The following FER1L6 variants were observed in gnomAD, a reference collection of about 807,000 sequenced individuals.
FER1L6 encodes fer-1-like protein 6.
Under a neutral mutation model 219.2 loss-of-function variants are expected in FER1L6, and 177 were observed. The ratio of observed to expected loss-of-function variants is 0.81; its 90% CI spans 0.71 to 0.91. The LOEUF (loss-of-function observed/expected upper bound fraction) is 0.91. FER1L6 is among the 40% of genes least tolerant of loss of function. The pLI is 0.00. For synonymous variants in FER1L6, 768 were observed against 824.3 expected (o/e 0.93, Z 1.17); for missense variants, 2,153 against 2,259.9 (o/e 0.95, Z 0.96).
intron 21 of FER1L6, among the ~76,000 whole-genome samples, chr8:124,047,208 C>T (rs919450679): frequency 5.9e-5 from 9 of 152,278 alleles, no homozygotes; most frequent in African/African-American, 1.9e-4. Context: ...GGGCAGGGTA[C>T]CATTGTGGTT....
At chr8:124,068,834 A>G (rs970483531) in intron 28 of FER1L6, among the ~76,000 whole-genome samples, 1 of 152,106 alleles carries the variant, frequency 6.6e-6, no homozygotes, top group African/African-American at 2.4e-5. Context: ...TTATATGTGC[A>G]TGGGGTGCCC....
chr8:124,020,070 T>G (rs1255781122), intron 16 of FER1L6, among the ~76,000 whole-genome samples: 1 of 152,158 alleles, frequency 6.6e-6, no homozygotes, highest in Non-Finnish European at 1.5e-5. Flanking sequence ...TGGGGGCAGG[T>G]CTTCCCATGC....
intron 12 of FER1L6, among the ~76,000 whole-genome samples, chr8:123,987,542 C>T (rs1167592288): frequency 6.6e-6 from 1 of 152,036 alleles, no homozygotes; most frequent in Non-Finnish European, 1.5e-5. Context: ...TCCCATTTGT[C>T]CATTTTTGTT....
chr8:124,095,551 A>T (rs1822246954), intron 35 of FER1L6, among the ~76,000 whole-genome samples: 2 of 152,306 alleles, frequency 1.3e-5, no homozygotes, highest in South Asian at 4.2e-4. Context: ...TGTGTGGAAA[A>T]AATACCTAGA....
intron 1 of FER1L6, among the ~76,000 whole-genome samples, chr8:123,884,346 G>A (rs1817162052): frequency 6.6e-6 from 1 of 152,146 alleles, no homozygotes; most frequent in Non-Finnish European, 1.5e-5. Context: ...CTTGCTCCCA[G>A]CCACGAAGCT....
intron 33 of FER1L6, among the ~76,000 whole-genome samples, chr8:124,085,197 C>T (rs919883342): frequency 3.3e-5 from 5 of 151,898 alleles, no homozygotes; most frequent in Admixed American, 3.3e-4. Context: ...TAAAGAGTTG[C>T]CAATTTTGTT....
At chr8:123,942,594 CT>C (rs1313852596) in intron 1 of FER1L6, among the ~76,000 whole-genome samples, 1 of 152,190 alleles carries the variant, frequency 6.6e-6, no homozygotes, top group African/African-American at 2.4e-5. Flanking sequence ...CTGGTGGCTC[CT>C]TTGTTCCTTG....
intron 17 of FER1L6, among the ~76,000 whole-genome samples, chr8:124,022,867 T>G (rs1476630295): frequency 6.6e-6 from 1 of 152,030 alleles, no homozygotes; most frequent in Non-Finnish European, 1.5e-5. Context: ...CCAGCTTGCA[T>G]GTTCTCATAT....
intron 1 of FER1L6, among the ~76,000 whole-genome samples, chr8:123,946,538 G>A (rs540188094): frequency 6.6e-6 from 1 of 152,354 alleles, no homozygotes; most frequent in African/African-American, 2.4e-5. Context: ...ACAGGTGTGA[G>A]CCACGGTGCC....
At chr8:124,105,173 G>C (rs1022431534) in intron 39 of FER1L6, among the ~76,000 whole-genome samples, 3 of 152,212 alleles carry the variant, frequency 2.0e-5, no homozygotes, top group Admixed American at 1.3e-4. Context: ...GAAATGTAGT[G>C]AGCCACAGGA....
intron 18 of FER1L6, among the ~76,000 whole-genome samples, chr8:124,024,117 C>A (rs899053552): frequency 1.3e-5 from 2 of 151,914 alleles, no homozygotes; most frequent in African/African-American, 4.8e-5. Flanking sequence ...AGGCTGGTCT[C>A]CAACTCCTGA....
chr8:123,903,968 C>T (rs1294421772), intron 1 of FER1L6, among the ~76,000 whole-genome samples: 1 of 152,116 alleles, frequency 6.6e-6, no homozygotes, highest in African/African-American at 2.4e-5. Context: ...CAATCAAATC[C>T]TCCCCACACT....
intron 32 of FER1L6, among the ~76,000 whole-genome samples, 163 bp from the exon 33 acceptor site, chr8:124,082,125 G>T (rs770046956): frequency 6.6e-6 from 1 of 152,116 alleles, no homozygotes; most frequent in Non-Finnish European, 1.5e-5. Flanking sequence ...TGTTTGTACT[G>T]CAATGAAAAA....
chr8:124,064,237 G>T, intron 25 of FER1L6, 110 bp from the exon 26 acceptor site: 2 of 855,006 alleles, frequency 2.3e-6, no homozygotes, highest in South Asian at 1.5e-5. Context: ...AGAAATATTA[G>T]CAACCTGACG....
chr8:123,937,355 A>G (rs1814047646), intron 1 of FER1L6, among the ~76,000 whole-genome samples: 1 of 152,246 alleles, frequency 6.6e-6, no homozygotes, highest in Admixed American at 6.5e-5. Flanking sequence ...CTAGCTAGAT[A>G]TTATCATAAA....
In FER1L6 at chr8:124,069,386, G is replaced by C; in HGVS notation, c.3745G>C (p.Asp1249His). 1 of 1,612,738 alleles carries C rather than the reference G, an allele frequency of 6.2e-7. No homozygotes were observed. The highest frequency in any genetic ancestry group is 8.5e-7 in the Non-Finnish European group (1 of 1,179,548). ...TEAKPDEVVV[D>H]IEDGPKKKKD... ...GGCAAAGCCAGATGAGGTAGTGGTA[G>C]ATATAGAAGATGGGCCAAAGAAGAA... The change falls in exon 29 of 41, where the codon GAT (aspartate) becomes CAT (histidine). Residue 1249 changes from aspartate to histidine, a missense_variant. Coordinates refer to ENST00000522917, the MANE Select transcript of FER1L6 (RefSeq NM_001039112.2).
intron 17 of FER1L6, among the ~76,000 whole-genome samples, 190 bp downstream of exon 17, chr8:124,021,859 T>TC (rs1818469524): frequency 6.6e-6 from 1 of 151,844 alleles, no homozygotes. Context: ...TTATTCATTT[T>TC]TTTTTCACAA....
intron 4 of FER1L6, 31 bp from the exon 5 acceptor site, chr8:123,966,128 G>A (rs748338938): frequency 2.2e-5 from 35 of 1,613,670 alleles, no homozygotes; most frequent in African/African-American, 5.3e-5. Context: ...GGCGGTGTCC[G>A]GAATGGTGTC....
chr8:124,073,899 AATGGGAAGG>A (rs1207565082), intron 31 of FER1L6, among the ~76,000 whole-genome samples: 1 of 152,234 alleles, frequency 6.6e-6, no homozygotes, highest in Non-Finnish European at 1.5e-5. Flanking sequence ...GACAAGAAGA[AATGGGAAGG>A]ACTGTTTTGC....
Sources: allele counts gnomAD v4.1 joint callset (sites outside exome capture counted in the v4.1 genomes callset), GRCh38; gene constraint gnomAD v4.1.1; transcripts MANE v1.5; gene names NCBI Gene and HGNC (gene_info 2026-07-23, HGNC 2026-07-21).